Variants in SPTY2D1 observed in about 807,000 individuals in gnomAD.
SPTY2D1 encodes SPT2 chromatin protein domain containing 1.
SPTY2D1 carries 21 observed loss-of-function variants against 64.0 expected under a neutral mutation model. The observed-to-expected ratio is 0.33, with a 90% CI of 0.23 to 0.47. The LOEUF (loss-of-function observed/expected upper bound fraction) is 0.47, where lower values mean the gene tolerates loss of function less well. Ranked by LOEUF, SPTY2D1 falls within the 20% of genes least tolerant of loss-of-function variation. SPTY2D1 has a pLI of 1.00. For synonymous variants in SPTY2D1, 287 were observed against 286.8 expected (o/e 1.00, Z -0.01); for missense variants, 724 against 837.2 (o/e 0.86, Z 1.67).
intron 1 of SPTY2D1, among the ~76,000 whole-genome samples, chr11:18,625,639 T>C (rs1358554246): frequency 6.6e-6 from 1 of 151,722 alleles, no homozygotes. Context: ...TGGCTCACTG[T>C]GGCCTCAAAC....
chr11:18,614,185 A>G (rs779509643), intron 3 of SPTY2D1, among the ~76,000 whole-genome samples: 4 of 152,172 alleles, frequency 2.6e-5, no homozygotes, highest in Non-Finnish European at 5.9e-5. Flanking sequence ...GTATTTTGGG[A>G]AGCTGAGGAA....
rs1392011689 is a variant in SPTY2D1, at chr11:18,612,756, A to G, written c.1712-268T>C. ...ATTTCTGAATTTATAAGATCAGTAA[A>G]ATTTCTTTCTTTCTTTTTTTTTTTT... On this transcript the variant is annotated intron_variant, in intron 3 of 5. Transcript: ENST00000336349. This position sits in a 1 kb window ranked among gnomAD's most constrained non-coding sequence, Gnocchi z 4.6. Among the ~76,000 whole-genome samples the G allele has an allele frequency of 6.6e-6, 1 of 151,750 alleles. No homozygotes were observed. Among genetic ancestry groups the G allele is most frequent in the African/African-American group, 2.4e-5 (1 of 41,258 alleles).
chr11:18,622,101 A>AAAAAAAAAAAAAC (rs71050618), intron 1 of SPTY2D1, among the ~76,000 whole-genome samples: 3,374 of 80,876 alleles, frequency 0.042, 796 homozygotes, highest in Non-Finnish European at 0.072. Context: ...AAAAAAAAAA[A>AAAAAAAAAAAAAC]AAACCAAAAC....
chr11:18,625,694 G>A (rs1338575546), intron 1 of SPTY2D1, among the ~76,000 whole-genome samples: 1 of 151,794 alleles, frequency 6.6e-6, no homozygotes, highest in Non-Finnish European at 1.5e-5. Context: ...CCGAGTAACT[G>A]GGACTACAAG....
At position 18,614,820 on chromosome 11, in the gene SPTY2D1, G is replaced by A. The variant is rs370983685; in HGVS notation, c.1454C>T (p.Pro485Leu). 9.9e-6 allele frequency: 16 copies of A among 1,612,922 alleles called. No homozygotes were observed. The highest frequency in any genetic ancestry group is 3.3e-5 in the Admixed American group (2 of 59,956). ...LRRPVSGLGPPGRSVSGPGRS... is the reference protein window; with the variant it reads ...LRRPVSGLGPLGRSVSGPGRS... The stretch of plus-strand genomic sequence containing the variant: ...CCCAGGGCCACTGACAGACCGCCCC[G>A]GGGGGCCCAAGCCACTCACTGGTCG... The change falls in exon 3 of 6, where the codon CCG becomes CTG. Residue 485 changes from proline (P) to leucine (L), a missense_variant. This residue lies in a region of SPTY2D1 where 426 missense variants were observed against 431.8 expected (regional missense o/e 0.99). Transcript: ENST00000336349.
intron 1 of SPTY2D1, among the ~76,000 whole-genome samples, chr11:18,620,085 T>C (rs1251978849): frequency 1.3e-5 from 2 of 152,204 alleles, no homozygotes; most frequent in Admixed American, 1.3e-4. Flanking sequence ...CATAGTTTAA[T>C]GCAGTGTTCA....
chr11:18,617,539 T>C (rs371353851), intron 1 of SPTY2D1, among the ~76,000 whole-genome samples: 190 of 142,922 alleles, frequency 1.3e-3, no homozygotes, highest in African/African-American at 4.8e-3. Context: ...GGCAGAAGAA[T>C]TGCTTGAACC....
rs528735439 is a variant in SPTY2D1, at chr11:18,632,300, G to A, written c.60+1898C>T. Among the ~76,000 whole-genome samples the A allele has an allele frequency of 1.2e-4, 19 of 152,146 alleles. No homozygotes were observed. The South Asian group carries it at 2.7e-3, about 22-fold the overall frequency. On this transcript the variant is annotated intron_variant, in intron 1 of 5. Coordinates refer to ENST00000336349, the MANE Select transcript of SPTY2D1 (RefSeq NM_194285.3). ...AACTTCTAGGCTTACTAGCTTTGGC[G>A]GGGAGAGGTCAGAGAATGCATGATT...
At position 18,616,887 on chromosome 11, in the gene SPTY2D1, GCTC is replaced by G. The variant is rs1312770416; in HGVS notation, c.160_162del (p.Glu54del). ...TATAGATACATACCTTTTCGTCTCA[GCTC>G]CTCTTCTTTCCTTTTAAGAAAAGCT... On this transcript the variant is annotated inframe_deletion, in exon 2 of 6. Coordinates refer to ENST00000336349, the MANE Select transcript of SPTY2D1 (RefSeq NM_194285.3). The G allele has an allele frequency of 6.2e-7, 1 of 1,613,932 alleles. No homozygotes were observed.
chr11:18,617,859 T>C (rs184513310), intron 1 of SPTY2D1, among the ~76,000 whole-genome samples: 2 of 151,928 alleles, frequency 1.3e-5, no homozygotes, highest in Non-Finnish European at 2.9e-5. Flanking sequence ...GGAGAATGGC[T>C]TGAACCCAGG....
In SPTY2D1 at chr11:18,634,268, G is replaced by A. The variant is rs141064528; in HGVS notation, c.-11C>T. 163 of 1,614,100 alleles carry A rather than the reference G, an allele frequency of 1.0e-4. No homozygotes were observed. The highest frequency in any genetic ancestry group is 9.1e-4 in the African/African-American group (68 of 75,044). On this transcript the variant is annotated 5_prime_UTR_variant, in exon 1 of 6. Coordinates refer to ENST00000336349, the MANE Select transcript of SPTY2D1 (RefSeq NM_194285.3). ...TTCTCTGAAGTCCATGTTGGGCCGAGGCGGGAGAGACTGGGCCAGGCACTC... is the reference window on the plus strand; with the variant it reads ...TTCTCTGAAGTCCATGTTGGGCCGAAGCGGGAGAGACTGGGCCAGGCACTC...
chr11:18,616,762 C>CA, intron 2 of SPTY2D1, 113 bp downstream of exon 2: 3 of 859,762 alleles, frequency 3.5e-6, no homozygotes, highest in Admixed American at 2.5e-5. Flanking sequence ...CACACACACA[C>CA]CCTCCCAAAT....
At chr11:18,634,087 T>A in intron 1 of SPTY2D1, 111 bp downstream of exon 1, 2 of 1,198,828 alleles carry the variant, frequency 1.7e-6, no homozygotes, top group Non-Finnish European at 2.4e-6. Flanking sequence ...GGCGTCCGGG[T>A]CTTTCCTCTC....
intron 1 of SPTY2D1, among the ~76,000 whole-genome samples, chr11:18,628,171 A>C (rs1854529349): frequency 6.6e-6 from 1 of 152,250 alleles, no homozygotes; most frequent in Non-Finnish European, 1.5e-5. Flanking sequence ...GCAACTATGC[A>C]TTAACCTTGT....
chr11:18,632,165 A>G (rs11024743), intron 1 of SPTY2D1, among the ~76,000 whole-genome samples: 83,440 of 151,014 alleles, frequency 0.55, 27,272 homozygotes, highest in Middle Eastern at 0.74. Flanking sequence ...AAAAAAAAAA[A>G]AAGAAGAAGA....
In SPTY2D1 at chr11:18,624,686, T is replaced by C. The variant is rs979864668; in HGVS notation, c.61-7697A>G. On this transcript the variant is annotated intron_variant, in intron 1 of 5. Coordinates refer to ENST00000336349, the MANE Select transcript of SPTY2D1 (RefSeq NM_194285.3). ...AGAAACATGTGTACACCGACTACTG[T>C]ATGTTATGTTGGAATCGATAGTCAA... Among the ~76,000 whole-genome samples the C allele has an allele frequency of 2.6e-5, 4 of 152,208 alleles. No individual in the cohort carries two copies. In the East Asian group the frequency reaches 7.7e-4, roughly 29 times the overall value.
At chr11:18,622,017 G>A (rs1854413147) in intron 1 of SPTY2D1, among the ~76,000 whole-genome samples, 1 of 143,096 alleles carries the variant, frequency 7.0e-6, no homozygotes. Context: ...AGCCAGGGAG[G>A]TCGAGGCTGC....
chr11:18,629,155 C>T (rs1404093756), intron 1 of SPTY2D1, among the ~76,000 whole-genome samples: 1 of 152,186 alleles, frequency 6.6e-6, no homozygotes, highest in Non-Finnish European at 1.5e-5. Context: ...TTCACAGTCT[C>T]ACTGGGAGAA....
Position 18,612,123 on chromosome 11 carries a change from C to T in SPTY2D1, c.1886+191G>A. The stretch of plus-strand genomic sequence containing the variant: ...TTTTTGTTCCTCATGCAAATAACTA[C>T]AGAAACTATTTTGAATTAAATATAA... On this transcript the variant is annotated intron_variant, in intron 4 of 5. Coordinates refer to ENST00000336349, the MANE Select transcript of SPTY2D1 (RefSeq NM_194285.3). The surrounding 1 kb of genome is among the most constrained non-coding windows in gnomAD (Gnocchi z 4.6). The T allele has an allele frequency of 2.4e-6, 1 of 422,032 alleles. No homozygotes were observed. The highest frequency in any genetic ancestry group is 4.1e-6 in the Non-Finnish European group (1 of 244,462). 26.1% of individuals were successfully genotyped at this position (422,032 alleles called of 1,614,324 possible). A position where few individuals can be genotyped will look rare whatever the true frequency, so the allele number is the denominator to read the frequency against.
Sources: gnomAD v4.1 joint callset for allele counts (sites outside exome capture counted in the v4.1 genomes callset) on GRCh38, gnomAD v4.1.1 for gene constraint, gnomAD v4.1.1 regional missense constraint, Gnocchi (gnomAD v3.1) non-coding constraint, MANE v1.5 for transcripts, NCBI Gene and HGNC (gene_info 2026-07-23, HGNC 2026-07-21) for gene names.